The following SLC24A2 variants were observed in gnomAD, a reference collection of about 807,000 sequenced individuals.
The protein encoded by SLC24A2 is solute carrier family 24 member 2.
Under a neutral mutation model 62.0 loss-of-function variants are expected in SLC24A2, and 36 were observed. That is an observed-to-expected ratio of 0.58 (90% CI 0.44 to 0.77). The LOEUF (loss-of-function observed/expected upper bound fraction) is 0.77, where lower values mean the gene tolerates loss of function less well. Ranked by LOEUF, SLC24A2 falls within the 30% of genes least tolerant of loss-of-function variation. The pLI is 0.00. For missense variants in SLC24A2, 846 were observed against 817.9 expected (o/e 1.03, Z -0.42); for synonymous variants, 358 against 294.0 (o/e 1.22, Z -2.23).
At chr9:19,555,766 G>A (rs1835059337) in intron 7 of SLC24A2, among the ~76,000 whole-genome samples, 1 of 152,088 alleles carries the variant, frequency 6.6e-6, no homozygotes, top group Admixed American at 6.5e-5. Context: ...CCAACATGGT[G>A]AAACCCCATC....
At chr9:20,095,094 C>CCACAA in the SLC24A2 span, among the ~76,000 whole-genome samples, 2 of 152,090 alleles carry the variant, frequency 1.3e-5, no homozygotes, top group Non-Finnish European at 2.9e-5. Context: ...ATCCTGTTTT[C>CCACAA]TAAGCCAAAC....
At chr9:19,525,887 T>A (rs1007610069) in intron 9 of SLC24A2, among the ~76,000 whole-genome samples, 1 of 151,742 alleles carries the variant, frequency 6.6e-6, no homozygotes, top group Non-Finnish European at 1.5e-5. Context: ...CATTTTAAAG[T>A]GTATAATTCA....
intron 2 of SLC24A2, among the ~76,000 whole-genome samples, chr9:19,709,933 G>T (rs934157946): frequency 6.6e-6 from 1 of 151,574 alleles, no homozygotes; most frequent in Non-Finnish European, 1.5e-5. Context: ...AGAAATGAAG[G>T]ACCTTGAAGA....
intron 2 of SLC24A2, among the ~76,000 whole-genome samples, chr9:19,642,684 T>A (rs1378973573): frequency 7.4e-6 from 1 of 135,428 alleles, no homozygotes; most frequent in Non-Finnish European, 1.6e-5. Context: ...TTTTTTTTTT[T>A]TTTTTTTTTT....
chr9:19,904,838 C>A, the SLC24A2 span, among the ~76,000 whole-genome samples: 15 of 151,876 alleles, frequency 9.9e-5, no homozygotes, highest in Non-Finnish European at 2.1e-4. Context: ...TTGCTTTTTT[C>A]TGCCCTGGGA....
the SLC24A2 span, among the ~76,000 whole-genome samples, chr9:20,199,293 A>G: frequency 6.6e-6 from 1 of 152,220 alleles, no homozygotes; most frequent in South Asian, 2.1e-4. Context: ...AAAAAGAACA[A>G]TTAGAGAGGT....
At chr9:19,610,404 T>C (rs1837121694) in intron 4 of SLC24A2, among the ~76,000 whole-genome samples, 1 of 152,164 alleles carries the variant, frequency 6.6e-6, no homozygotes, top group Non-Finnish European at 1.5e-5. Flanking sequence ...CTTGTTGCGA[T>C]GATAATTCTC....
At chr9:19,612,240 C>A (rs182686297) in intron 4 of SLC24A2, among the ~76,000 whole-genome samples, 5 of 152,142 alleles carry the variant, frequency 3.3e-5, no homozygotes, top group Admixed American at 3.3e-4. Context: ...CTTTTCTGTC[C>A]ATTTCTTAAT....
chr9:20,301,576 T>C, the SLC24A2 span, among the ~76,000 whole-genome samples: 1 of 151,490 alleles, frequency 6.6e-6, no homozygotes, highest in South Asian at 2.1e-4. Context: ...TAAAAGAAAT[T>C]AAAGCCTTTT....
At chr9:19,594,897 G>C (rs1390622717) in intron 5 of SLC24A2, among the ~76,000 whole-genome samples, 1 of 152,214 alleles carries the variant, frequency 6.6e-6, no homozygotes, top group Non-Finnish European at 1.5e-5. Context: ...TGGAGTACCA[G>C]AATTAGGTTT....
chr9:19,967,082 T>C, the SLC24A2 span, among the ~76,000 whole-genome samples: 1 of 152,128 alleles, frequency 6.6e-6, no homozygotes, highest in Non-Finnish European at 1.5e-5. Context: ...AATTAACATA[T>C]ATATTTACCA....
At chr9:20,119,873 C>T in the SLC24A2 span, among the ~76,000 whole-genome samples, 3 of 152,180 alleles carry the variant, frequency 2.0e-5, no homozygotes, top group Non-Finnish European at 4.4e-5. Context: ...ATTGTATTAA[C>T]TTTATATTGC....
the SLC24A2 span, among the ~76,000 whole-genome samples, chr9:20,249,651 G>A: frequency 7.2e-6 from 1 of 139,688 alleles, no homozygotes; most frequent in Non-Finnish European, 1.5e-5. Context: ...GCTACAGTGA[G>A]CTACGATTGC....
chr9:20,115,620 A>G, the SLC24A2 span, among the ~76,000 whole-genome samples: 3 of 152,138 alleles, frequency 2.0e-5, no homozygotes, highest in East Asian at 5.8e-4. Context: ...TTAAGATATG[A>G]TCAAATTGTG....
the SLC24A2 span, among the ~76,000 whole-genome samples, chr9:20,134,315 G>A: frequency 6.6e-6 from 1 of 152,112 alleles, no homozygotes; most frequent in African/African-American, 2.4e-5. Context: ...GATTTTTGTT[G>A]TTGTCATTTG....
intron 2 of SLC24A2, among the ~76,000 whole-genome samples, chr9:19,735,214 C>A (rs1237375383): frequency 6.6e-6 from 1 of 152,050 alleles, no homozygotes; most frequent in African/African-American, 2.4e-5. Context: ...ACAGACACTT[C>A]TCAAAAGAAG....
the SLC24A2 span, among the ~76,000 whole-genome samples, chr9:20,228,349 G>A: frequency 6.6e-6 from 1 of 151,992 alleles, no homozygotes; most frequent in African/African-American, 2.4e-5. Context: ...CAAAAGTACA[G>A]AGCGCTCTGA....
intron 2 of SLC24A2, among the ~76,000 whole-genome samples, chr9:19,760,762 T>A (rs1353654502): frequency 6.6e-6 from 1 of 152,034 alleles, no homozygotes; most frequent in African/African-American, 2.4e-5. Flanking sequence ...TAATCCAGCC[T>A]AACATTGATG....
the SLC24A2 span, among the ~76,000 whole-genome samples, chr9:20,234,166 C>T: frequency 2.0e-5 from 3 of 152,146 alleles, no homozygotes; most frequent in African/African-American, 7.2e-5. Context: ...AACATTTTTT[C>T]CTTCATTTCA....
Sources: allele counts gnomAD v4.1 joint callset (sites outside exome capture counted in the v4.1 genomes callset), GRCh38; gene constraint gnomAD v4.1.1; transcripts MANE v1.5; gene names NCBI Gene and HGNC (gene_info 2026-07-23, HGNC 2026-07-21).